PLEKHM3: variants seen among roughly 807,000 people sequenced by gnomAD.
PLEKHM3 encodes pleckstrin homology domain containing M3.
PLEKHM3 carries 45 observed loss-of-function variants against 81.8 expected under a neutral mutation model. The ratio of observed to expected loss-of-function variants is 0.55; its 90% CI spans 0.43 to 0.71. PLEKHM3 has a LOEUF of 0.71. Among genes scored for constraint, PLEKHM3 ranks in the 30% least tolerant of loss-of-function variants. The pLI is 0.00. For missense variants in PLEKHM3, 788 were observed against 924.3 expected (o/e 0.85, Z 1.91); for synonymous variants, 352 against 356.4 (o/e 0.99, Z 0.14).
intron 7 of PLEKHM3, among the ~76,000 whole-genome samples, chr2:207,859,859 AG>A (rs2092457730): frequency 6.6e-6 from 1 of 152,130 alleles, no homozygotes; most frequent in Admixed American, 6.5e-5. Context: ...GGCCTCCCAA[AG>A]TGCTGGGATT....
chr2:208,003,956 A>T (rs1692402053), intron 1 of PLEKHM3, among the ~76,000 whole-genome samples: 1 of 152,262 alleles, frequency 6.6e-6, no homozygotes, highest in South Asian at 2.1e-4. Flanking sequence ...ATTGAAGATT[A>T]CTGATATTCC....
intron 4 of PLEKHM3, among the ~76,000 whole-genome samples, chr2:207,945,522 C>G (rs1690092656): frequency 6.6e-6 from 1 of 152,216 alleles, no homozygotes; most frequent in Non-Finnish European, 1.5e-5. Flanking sequence ...GTCTTCACAG[C>G]TTCTCTCAAG....
At chr2:207,837,631 C>T (rs1384610279) in intron 7 of PLEKHM3, among the ~76,000 whole-genome samples, 1 of 63,232 alleles carries the variant, frequency 1.6e-5, no homozygotes, top group African/African-American at 7.6e-5. Context: ...AATAGTTCTC[C>T]CTTTTTTTTT....
chr2:207,846,079 A>C (rs1347991401), intron 7 of PLEKHM3, among the ~76,000 whole-genome samples: 1 of 152,206 alleles, frequency 6.6e-6, no homozygotes, highest in African/African-American at 2.4e-5. Flanking sequence ...GTGGCTTGTC[A>C]AAGGTCACAC....
At chr2:208,003,272 A>T (rs1574483947) in intron 1 of PLEKHM3, among the ~76,000 whole-genome samples, 1 of 152,280 alleles carries the variant, frequency 6.6e-6, no homozygotes, top group East Asian at 1.9e-4. Context: ...CCAATAAAAC[A>T]CTTTCTTTTG....
intron 6 of PLEKHM3, among the ~76,000 whole-genome samples, chr2:207,861,840 T>C (rs1184057769): frequency 1.3e-5 from 2 of 152,194 alleles, no homozygotes; most frequent in East Asian, 1.9e-4. Flanking sequence ...TTTTAACTTG[T>C]GATTTTTAAA....
At chr2:207,846,706 G>A (rs1445501037) in intron 7 of PLEKHM3, among the ~76,000 whole-genome samples, 1 of 150,964 alleles carries the variant, frequency 6.6e-6, no homozygotes, top group African/African-American at 2.4e-5. Context: ...CTGGATGACA[G>A]AGCCAGATCC....
At chr2:207,838,319 C>T (rs1218554478) in intron 7 of PLEKHM3, among the ~76,000 whole-genome samples, 3 of 152,180 alleles carry the variant, frequency 2.0e-5, no homozygotes, top group Non-Finnish European at 2.9e-5. Flanking sequence ...TTTATCTACA[C>T]TTTAAGCCCC....
intron 5 of PLEKHM3, among the ~76,000 whole-genome samples, chr2:207,916,201 G>A (rs1456426177): frequency 2.6e-5 from 4 of 152,092 alleles, no homozygotes; most frequent in Admixed American, 2.0e-4. Context: ...GGTAGTTACA[G>A]GAAATAAGGG....
intron 6 of PLEKHM3, among the ~76,000 whole-genome samples, chr2:207,865,823 TA>T (rs2092496946): frequency 9.2e-6 from 1 of 108,862 alleles, no homozygotes; most frequent in Non-Finnish European, 1.9e-5. Context: ...TATATATATA[TA>T]TATATATATA....
chr2:208,012,286 G>A (rs762719431), intron 1 of PLEKHM3, among the ~76,000 whole-genome samples: 3 of 152,134 alleles, frequency 2.0e-5, no homozygotes, highest in Non-Finnish European at 4.4e-5. Flanking sequence ...CTCATGATCC[G>A]CCTGCCTGAT....
intron 4 of PLEKHM3, among the ~76,000 whole-genome samples, chr2:207,939,648 G>T (rs1176147469): frequency 6.6e-6 from 1 of 152,166 alleles, no homozygotes; most frequent in Admixed American, 6.6e-5. Context: ...TATGAACTGG[G>T]TTCTATTATT....
At chr2:207,931,847 C>T (rs28368468) in intron 4 of PLEKHM3, among the ~76,000 whole-genome samples, 3,419 of 152,238 alleles carry the variant, frequency 0.022, 98 homozygotes, top group African/African-American at 0.07. Flanking sequence ...GTGGCACATG[C>T]CTGTAATCCC....
chr2:208,013,958 G>A (rs755175963), intron 1 of PLEKHM3, among the ~76,000 whole-genome samples: 8 of 152,168 alleles, frequency 5.3e-5, no homozygotes, highest in Admixed American at 1.3e-4. Context: ...ACTTGAACCT[G>A]CTAAAAAGTG....
chr2:207,937,671 T>TATAA (rs1559246262), intron 4 of PLEKHM3, among the ~76,000 whole-genome samples: 2 of 151,988 alleles, frequency 1.3e-5, no homozygotes, highest in Admixed American at 1.3e-4. Context: ...ATTATAAAAG[T>TATAA]AATATAATCC....
At chr2:207,859,136 C>CT (rs371493664) in intron 7 of PLEKHM3, among the ~76,000 whole-genome samples, 66,391 of 118,210 alleles carry the variant, frequency 0.56, 19,886 homozygotes, top group Non-Finnish European at 0.67. Flanking sequence ...TTTTCTTTTT[C>CT]TTTTTTTTTT....
intron 6 of PLEKHM3, among the ~76,000 whole-genome samples, chr2:207,901,851 T>C (rs936327051): frequency 1.3e-5 from 2 of 152,238 alleles, no homozygotes; most frequent in African/African-American, 4.8e-5. Context: ...GATGTTTTAA[T>C]GGAGGCCTCG....
chr2:207,831,515 G>A (rs1250196209), intron 7 of PLEKHM3, among the ~76,000 whole-genome samples: 3 of 152,216 alleles, frequency 2.0e-5, no homozygotes, highest in Non-Finnish European at 4.4e-5. Flanking sequence ...TTAAGTTCTT[G>A]GTGCTTTGGT....
In PLEKHM3 at chr2:207,864,329, T is replaced by G. The variant is rs1574347925; in HGVS notation, c.1951-3067A>C. Among the ~76,000 whole-genome samples, 3 of 152,322 alleles carry G rather than the reference T, an allele frequency of 2.0e-5. No individual in the cohort carries two copies. In the South Asian group the frequency reaches 6.2e-4, roughly 32 times the overall value. ...CTAATACCAACACATGAGATATACT[T>G]TCTAAGAAACAGCCACTACCAAATC... On this transcript the variant is annotated intron_variant, in intron 6 of 7. Transcript: ENST00000427836.
Sources: allele counts gnomAD v4.1 joint callset (sites outside exome capture counted in the v4.1 genomes callset), GRCh38; gene constraint gnomAD v4.1.1; transcripts MANE v1.5; gene names NCBI Gene and HGNC (gene_info 2026-07-23, HGNC 2026-07-21).